Variants in GUCY1A1 observed in about 807,000 individuals in gnomAD.
GUCY1A1 encodes guanylate cyclase 1 soluble subunit alpha 1, also known as guanylate cyclase soluble subunit alpha-1.
Under a neutral mutation model 64.5 loss-of-function variants are expected in GUCY1A1, and 48 were observed. That is an observed-to-expected ratio of 0.74 (90% confidence interval 0.59 to 0.95). GUCY1A1 has a LOEUF of 0.95. Among genes scored for constraint, GUCY1A1 ranks in the 40% least tolerant of loss-of-function variants. GUCY1A1 has a pLI of 0.00. For missense variants in GUCY1A1, 804 were observed against 825.3 expected (o/e 0.97, Z 0.32); for synonymous variants, 308 against 303.4 (o/e 1.02, Z -0.16).
intron 2 of GUCY1A1, among the ~76,000 whole-genome samples, chr4:155,681,010 C>T (rs1335762046): frequency 6.6e-6 from 1 of 151,956 alleles, no homozygotes; most frequent in Non-Finnish European, 1.5e-5. Flanking sequence ...ACCTTTTGGC[C>T]TTTTGTTTAA....
chr4:155,687,723 C>T (rs965028935), intron 2 of GUCY1A1, among the ~76,000 whole-genome samples: 2 of 152,098 alleles, frequency 1.3e-5, no homozygotes, highest in African/African-American at 2.4e-5. Context: ...TCACTAATGT[C>T]GCAGAGTTAG....
At chr4:155,694,346 C>A (rs1343494082) in intron 2 of GUCY1A1, among the ~76,000 whole-genome samples, 2 of 151,932 alleles carry the variant, frequency 1.3e-5, no homozygotes, top group African/African-American at 4.8e-5. Flanking sequence ...AGTTACAGAC[C>A]AGCCTGGGTA....
rs576858387 is a variant in GUCY1A1, at chr4:155,736,461, A to G, written c.*6230A>G. ...CTAGAATCTACTCCTAGACCACCCT[A>G]GTGAAGTACCATAGACCATATTGTC... On this transcript the variant is annotated 3_prime_UTR_variant, in exon 10 of 10. Coordinates refer to ENST00000506455, the MANE Select transcript of GUCY1A1 (RefSeq NM_001130682.3). 1 of 152,124 alleles carries G rather than the reference A, an allele frequency of 6.6e-6. No individual in the cohort carries two copies. Among genetic ancestry groups the G allele is most frequent in the South Asian group, 2.1e-4 (1 of 4,834 alleles). The allele number at this position is 152,124 out of a possible 1,614,324, so 9.4% of individuals were successfully genotyped here. A position where few individuals can be genotyped will look rare whatever the true frequency, so the allele number is the denominator to read the frequency against.
At position 155,685,617 on chromosome 4, in the gene GUCY1A1, T is replaced by G. The variant is rs1317860663; in HGVS notation, c.-112-11139T>G. Among the ~76,000 whole-genome samples, 154 of 150,544 alleles carry G rather than the reference T, an allele frequency of 1.0e-3. 3 individuals are homozygous for G. Among genetic ancestry groups the G allele is most frequent in the African/African-American group, 3.5e-3 (145 of 41,140 alleles). ...GTTCTCCTTGTGTTTTTTTTTTTTT[T>G]TTTTTTTTTTCTCTTTGCTGTTCTT... is the stretch of plus-strand genomic sequence containing the variant. On this transcript the variant is annotated intron_variant, in intron 2 of 9. Transcript: ENST00000506455.
intron 2 of GUCY1A1, among the ~76,000 whole-genome samples, chr4:155,674,986 C>T (rs1312850450): frequency 1.3e-5 from 2 of 151,494 alleles, no homozygotes; most frequent in African/African-American, 2.5e-5. Context: ...TTCAGTTATG[C>T]ATTGTGCTAT....
chr4:155,733,700 A>G lies in GUCY1A1; in HGVS notation c.*3469A>G, dbSNP rs1735784072. ...AAAAAGAAGCAACATGAGTAAAATT[A>G]GATCCATTGGCTACTGACTCCCTCT... On this transcript the variant is annotated 3_prime_UTR_variant, in exon 10 of 10. Coordinates refer to ENST00000506455, the MANE Select transcript of GUCY1A1 (RefSeq NM_001130682.3). 6.6e-6 allele frequency among the ~76,000 whole-genome samples: 1 copy of G among 151,400 alleles called. No individual in the cohort carries two copies. Among genetic ancestry groups the G allele is most frequent in the South Asian group, 2.1e-4 (1 of 4,806 alleles).
chr4:155,682,940 CT>C (rs1193451909), intron 2 of GUCY1A1, among the ~76,000 whole-genome samples: 2 of 151,882 alleles, frequency 1.3e-5, no homozygotes, highest in Non-Finnish European at 2.9e-5. Context: ...GTTTTGCCCC[CT>C]ATATTGATTA....
intron 2 of GUCY1A1, among the ~76,000 whole-genome samples, chr4:155,695,670 C>T (rs567023591): frequency 6.6e-6 from 1 of 152,276 alleles, no homozygotes; most frequent in African/African-American, 2.4e-5. Flanking sequence ...AACTTTTGAG[C>T]TTCTCACCCA....
chr4:155,713,907 A>G (rs1409727522), intron 7 of GUCY1A1, among the ~76,000 whole-genome samples: 2 of 152,204 alleles, frequency 1.3e-5, no homozygotes, highest in Admixed American at 1.3e-4. Context: ...GAAGTTTAAT[A>G]GTGAATCTGC....
chr4:155,683,759 T>C (rs1736157094), intron 2 of GUCY1A1, among the ~76,000 whole-genome samples: 1 of 152,190 alleles, frequency 6.6e-6, no homozygotes, highest in African/African-American at 2.4e-5. Flanking sequence ...CGAAAGGTAA[T>C]CTTCTGATTG....
Position 155,705,539 on chromosome 4 carries a change from C to CAA in GUCY1A1, c.317+1565_317+1566dup, listed in dbSNP as rs35914312. Among the ~76,000 whole-genome samples the CAA allele has an allele frequency of 4.1e-3, 337 of 81,868 alleles. 6 individuals are homozygous for CAA. Among genetic ancestry groups the CAA allele is most frequent in the East Asian group, 0.02 (63 of 3,172 alleles). The allele number at this position is 81,868 out of a possible 152,430, so 53.7% of individuals were successfully genotyped here. On this transcript the variant is annotated intron_variant, in intron 4 of 9. Transcript: ENST00000506455. ...TGGGCGACAGAGTGAGACTCCATCTCAAAAAAAAAAAAAAAAAAAAGTAAT... is the reference window on the plus strand; with the variant it reads ...TGGGCGACAGAGTGAGACTCCATCTCAAAAAAAAAAAAAAAAAAAAAAGTAAT...
Position 155,713,128 on chromosome 4 carries a change from A to G in GUCY1A1, c.1117A>G (p.Ile373Val), listed in dbSNP as rs1560953461. Residue 373 changes from isoleucine to valine, a missense_variant, in exon 7 of 10, where the codon ATT (isoleucine) becomes GTT (valine). Ile to Val is a conservative substitution (Grantham distance 29). Coordinates refer to ENST00000506455, the MANE Select transcript of GUCY1A1 (RefSeq NM_001130682.3). ...VMDLKGQMIY[I>V]VESSAILFLG... ...GGACCTCAAAGGCCAAATGATCTACATTGTTGAATCCAGTGCAATCTTGTT... is the reference window on the plus strand; with the variant it reads ...GGACCTCAAAGGCCAAATGATCTACGTTGTTGAATCCAGTGCAATCTTGTT... 5 of 1,613,374 alleles carry G rather than the reference A, an allele frequency of 3.1e-6. No homozygotes were observed. In the East Asian group the frequency reaches 8.9e-5, roughly 29 times the overall value.
intron 2 of GUCY1A1, among the ~76,000 whole-genome samples, chr4:155,689,403 A>G (rs114432105): frequency 0.013 from 2,011 of 152,322 alleles, 45 homozygotes; most frequent in African/African-American, 0.046. Flanking sequence ...ATGATGCATC[A>G]TAAGTAGTGA....
At chr4:155,681,388 C>A (rs1560916502) in intron 2 of GUCY1A1, among the ~76,000 whole-genome samples, 1 of 152,130 alleles carries the variant, frequency 6.6e-6, no homozygotes, top group Non-Finnish European at 1.5e-5. Context: ...TCCTCACAAT[C>A]CTTCTTTCAA....
intron 2 of GUCY1A1, among the ~76,000 whole-genome samples, chr4:155,694,027 C>A (rs1049941806): frequency 4.6e-5 from 7 of 152,126 alleles, no homozygotes; most frequent in African/African-American, 9.7e-5. Context: ...CATCCTCAGA[C>A]CTAACCTATA....
At chr4:155,674,586 A>G (rs761989626) in intron 2 of GUCY1A1, among the ~76,000 whole-genome samples, 3 of 151,490 alleles carry the variant, frequency 2.0e-5, no homozygotes, top group African/African-American at 7.4e-5. Context: ...TTTATTAAAA[A>G]TAAAGACAAA....
intron 3 of GUCY1A1, among the ~76,000 whole-genome samples, chr4:155,703,570 C>T (rs1731368563): frequency 6.6e-6 from 1 of 152,102 alleles, no homozygotes; most frequent in African/African-American, 2.4e-5. Flanking sequence ...GAAGTGATGC[C>T]CATGGAATCC....
intron 2 of GUCY1A1, among the ~76,000 whole-genome samples, chr4:155,675,619 G>A (rs1486380464): frequency 3.3e-5 from 5 of 151,378 alleles, no homozygotes; most frequent in Admixed American, 6.6e-5. Flanking sequence ...TTAATACACC[G>A]CAGCATCTAT....
At chr4:155,701,759 A>G (rs528457765) in intron 3 of GUCY1A1, among the ~76,000 whole-genome samples, 1 of 150,728 alleles carries the variant, frequency 6.6e-6, no homozygotes, top group East Asian at 2.0e-4. Flanking sequence ...AACTGTGATC[A>G]CCACTGCACT....
Sources: allele counts gnomAD v4.1 joint callset (sites outside exome capture counted in the v4.1 genomes callset), GRCh38; gene constraint gnomAD v4.1.1; transcripts MANE v1.5; gene names NCBI Gene and HGNC (gene_info 2026-07-23, HGNC 2026-07-21).